EEF1AKMT2: variants seen among roughly 807,000 people sequenced by gnomAD.
The protein encoded by EEF1AKMT2 is EEF1A lysine methyltransferase 2.
EEF1AKMT2 carries 32 observed loss-of-function variants against 35.8 expected under a neutral mutation model. The ratio of observed to expected loss-of-function variants is 0.89; its 90% CI spans 0.67 to 1.20. EEF1AKMT2 has a LOEUF of 1.20. Ranked by LOEUF, EEF1AKMT2 falls within the 50% of genes most tolerant of loss-of-function variation. EEF1AKMT2 has a pLI of 0.00. For missense variants in EEF1AKMT2, 330 were observed against 347.5 expected, an observed-to-expected ratio of 0.95 and a Z score of 0.40; for synonymous variants, 121 against 133.7, an observed-to-expected ratio of 0.91 and a Z score of 0.65.
At chr10:124,768,122 A>G (rs1046883339) in intron 4 of EEF1AKMT2, among the ~76,000 whole-genome samples, 1 of 152,250 alleles carries the variant, frequency 6.6e-6, no homozygotes, top group Non-Finnish European at 1.5e-5. Context: ...AAGTATACAG[A>G]CTCAAAACAA....
At chr10:124,790,924 C>T (rs1024391542) in intron 1 of EEF1AKMT2, among the ~76,000 whole-genome samples, 1 of 152,112 alleles carries the variant, frequency 6.6e-6, no homozygotes, top group Non-Finnish European at 1.5e-5. Flanking sequence ...GCCACCACAC[C>T]CCGCTAATTT....
chr10:124,788,981 G>C (rs961015899), intron 3 of EEF1AKMT2, 62 bp downstream of exon 3: 29 of 1,094,852 alleles, frequency 2.6e-5, no homozygotes, highest in Non-Finnish European at 4.0e-5. Flanking sequence ...CTCAATTGCA[G>C]GGCCTTTAAA....
In EEF1AKMT2 at chr10:124,757,879, T is replaced by C. The variant is rs1424704484; in HGVS notation, c.*2624A>G. The stretch of plus-strand genomic sequence containing the variant: ...TCAGGCTGCCAAGAGTGATATCAGG[T>C]TTGATTCTCACATACATAAATGCCA... On this transcript the variant is annotated 3_prime_UTR_variant, in exon 7 of 7. Coordinates refer to ENST00000368836, the MANE Select transcript of EEF1AKMT2 (RefSeq NM_212554.4). 6.6e-6 allele frequency: 1 copy of C among 152,216 alleles called. No homozygotes were observed. Among genetic ancestry groups the C allele is most frequent in the Admixed American group, 6.5e-5 (1 of 15,280 alleles). The allele number at this position is 152,216 out of a possible 1,614,324, so 9.4% of individuals were successfully genotyped here.
chr10:124,782,866 A>G, intron 3 of EEF1AKMT2: 1 of 297,210 alleles, frequency 3.4e-6, no homozygotes, highest in Non-Finnish European at 6.8e-6. Context: ...GTAGACCTAA[A>G]TCCAAACGTA....
At chr10:124,757,559 T>C (rs1481366067), downstream of EEF1AKMT2, among the ~76,000 whole-genome samples, 1 of 152,134 alleles carries the variant, frequency 6.6e-6, no homozygotes, top group African/African-American at 2.4e-5. Flanking sequence ...TCCTTAAAAA[T>C]TGAGGTTTCT....
At chr10:124,775,591 C>T (rs545802985) in intron 3 of EEF1AKMT2, among the ~76,000 whole-genome samples, 164 of 152,274 alleles carry the variant, frequency 1.1e-3, no homozygotes, top group African/African-American at 3.9e-3. Context: ...TCCTGCTCTT[C>T]ACCATTTACT....
chr10:124,764,889 A>G (rs1403398449), intron 5 of EEF1AKMT2, among the ~76,000 whole-genome samples: 2 of 152,230 alleles, frequency 1.3e-5, no homozygotes, highest in Non-Finnish European at 1.5e-5. Flanking sequence ...TACGACTCAA[A>G]TAGAGAACTT....
intron 3 of EEF1AKMT2, among the ~76,000 whole-genome samples, chr10:124,778,201 C>A (rs1481409671): frequency 1.3e-5 from 2 of 151,698 alleles, no homozygotes; most frequent in Non-Finnish European, 2.9e-5. Context: ...TATACATACA[C>A]ACACACACAC....
chr10:124,769,932 G>A (rs1159117956), intron 4 of EEF1AKMT2, among the ~76,000 whole-genome samples: 1 of 98,428 alleles, frequency 1.0e-5, no homozygotes. Flanking sequence ...GGCAACAAGA[G>A]CGAAACTCCA....
intron 3 of EEF1AKMT2, among the ~76,000 whole-genome samples, chr10:124,782,615 C>CAGCCTGGACAACAGGGCGAAA (rs1484039937): frequency 4.3e-5 from 6 of 140,444 alleles, no homozygotes; most frequent in Non-Finnish European, 9.1e-5. Context: ...AGTTCAAGAC[C>CAGCCTGGACAACAGGGCGAAA]AGCCTGGACA....
chr10:124,785,040 C>G (rs987558341), intron 3 of EEF1AKMT2, among the ~76,000 whole-genome samples: 2 of 151,314 alleles, frequency 1.3e-5, no homozygotes, highest in Non-Finnish European at 2.9e-5. Context: ...CGAGATCAGG[C>G]ATTTTAGACC....
At chr10:124,783,019 G>A in intron 3 of EEF1AKMT2, 1 of 403,378 alleles carries the variant, frequency 2.5e-6, no homozygotes, top group Non-Finnish European at 4.8e-6. Flanking sequence ...TTAAAAGGAT[G>A]GAAAACAATA....
intron 3 of EEF1AKMT2, chr10:124,782,999 A>C (rs1355250594): frequency 2.4e-6 from 1 of 421,474 alleles, no homozygotes; most frequent in Admixed American, 3.1e-5. Flanking sequence ...AAATATAATA[A>C]TAAGGTAAGT....
downstream of EEF1AKMT2, among the ~76,000 whole-genome samples, chr10:124,757,172 ACAC>A (rs1309840597): frequency 7.1e-6 from 1 of 141,538 alleles, no homozygotes; most frequent in Non-Finnish European, 1.6e-5. Flanking sequence ...CCTCCCACAC[ACAC>A]ACACACACAC....
At chr10:124,772,154 C>T (rs528827112) in intron 4 of EEF1AKMT2, among the ~76,000 whole-genome samples, 1 of 152,274 alleles carries the variant, frequency 6.6e-6, no homozygotes, top group South Asian at 2.1e-4. Context: ...AAGTCATCAG[C>T]TGCATTAGCC....
chr10:124,769,266 C>T (rs74387488), intron 4 of EEF1AKMT2, among the ~76,000 whole-genome samples: 10,619 of 90,844 alleles, frequency 0.12, 689 homozygotes, highest in East Asian at 0.29. Context: ...ATAAATAAAA[C>T]GAACAGAATT....
intron 2 of EEF1AKMT2, 141 bp downstream of exon 2, chr10:124,790,132 A>T: frequency 1.6e-6 from 1 of 607,704 alleles, no homozygotes; most frequent in Non-Finnish European, 3.0e-6. Flanking sequence ...TGACCTCGTG[A>T]TCTGCCTGCC....
intron 3 of EEF1AKMT2, among the ~76,000 whole-genome samples, chr10:124,778,467 T>C (rs996005727): frequency 6.6e-6 from 1 of 152,048 alleles, no homozygotes; most frequent in African/African-American, 2.4e-5. Context: ...CTTATGCCTG[T>C]AATACCAGCA....
At position 124,765,377 on chromosome 10, in the gene EEF1AKMT2, C is replaced by A. The variant is rs751006562; in HGVS notation, c.616+15G>T. On this transcript the variant is annotated intron_variant, in intron 5 of 6. Transcript: ENST00000368836. ...CTGAGGTAAGCACACATTTAAACAC[C>A]ATATAGTCACTTACCTTCACTGAAT... 4.3e-5 allele frequency: 69 copies of A among 1,601,342 alleles called. No individual in the cohort carries two copies. The highest frequency in any genetic ancestry group is 5.9e-5 in the Non-Finnish European group (69 of 1,168,852).
Sources: gnomAD v4.1 joint callset for allele counts (sites outside exome capture counted in the v4.1 genomes callset) on GRCh38, gnomAD v4.1.1 for gene constraint, MANE v1.5 for transcripts, NCBI Gene and HGNC (gene_info 2026-07-23, HGNC 2026-07-21) for gene names.